Variants in FAT3 observed in about 807,000 individuals in gnomAD.
FAT3 encodes protocadherin Fat 3.
In FAT3, 95 loss-of-function variants were observed where a neutral mutation model predicts 310.2. The ratio of observed to expected loss-of-function variants is 0.31; its 90% CI spans 0.26 to 0.36. The LOEUF (loss-of-function observed/expected upper bound fraction) is 0.36. Ranked by LOEUF, FAT3 falls within the 10% of genes least tolerant of loss-of-function variation. FAT3 has a pLI of 1.00. For synonymous variants in FAT3, 2,314 were observed against 2,192.9 expected (o/e 1.06, Z -1.54); for missense variants, 5,408 against 5,715.6 (o/e 0.95, Z 1.74).
chr11:92,686,178 T>C (rs1470852471), intron 3 of FAT3, among the ~76,000 whole-genome samples: 1 of 152,192 alleles, frequency 6.6e-6, no homozygotes, highest in Non-Finnish European at 1.5e-5. Flanking sequence ...GAAATGCCAC[T>C]GATTCAGACT....
intron 1 of FAT3, among the ~76,000 whole-genome samples, chr11:92,231,309 T>C (rs1864171815): frequency 6.6e-6 from 1 of 152,166 alleles, no homozygotes. Flanking sequence ...TGCTTGGTTT[T>C]TTACCTTAAA....
chr11:92,735,856 A>G (rs989200930), intron 4 of FAT3, among the ~76,000 whole-genome samples: 3 of 151,930 alleles, frequency 2.0e-5, no homozygotes, highest in African/African-American at 7.3e-5. Context: ...TGGGTTCTCT[A>G]TATATGTTTG....
Position 92,883,467 on chromosome 11 carries a change from C to G in FAT3, c.12937+74C>G, listed in dbSNP as rs1949724862. 2.0e-6 allele frequency: 3 copies of G among 1,514,002 alleles called. No individual in the cohort carries two copies. The highest frequency in any genetic ancestry group is 2.7e-6 in the Non-Finnish European group (3 of 1,126,824). The allele number at this position is 1,514,002 out of a possible 1,614,324, so 93.8% of individuals were successfully genotyped here. On this transcript the variant is annotated intron_variant, in intron 24 of 27. Transcript: ENST00000525166. This position sits in a 1 kb window ranked among gnomAD's most constrained non-coding sequence, Gnocchi z 4.2. ...GCAGGGGCGCTGTGCGAGGACGCTA[C>G]GGGAAGGGAGAGAGACCCCGCATGC...
Position 92,799,686 on chromosome 11 carries a change from G to A in FAT3, c.6673G>A (p.Gly2225Arg). 6.2e-7 allele frequency: 1 copy of A among 1,613,380 alleles called. No homozygotes were observed. The highest frequency in any genetic ancestry group is 8.5e-7 in the Non-Finnish European group (1 of 1,179,658). Residue 2225 changes from glycine (G) to arginine (R), a missense_variant, in exon 10 of 28, where the codon GGG becomes AGG. By Grantham distance (125) the Gly-to-Arg change is moderately radical (BLOSUM62 -2). Transcript: ENST00000525166. ...AGGCATCATATATATCATTATCGAT[G>A]GGGACCCTTTTAAACAGTTTAACAT... ...GQGIIYIIID[G>R]DPFKQFNIDF...
rs1178802045 is a variant in FAT3, at chr11:92,837,771, G to A, written c.10333G>A (p.Val3445Met). The A allele has an allele frequency of 6.2e-7, 1 of 1,613,932 alleles. No homozygotes were observed. Among genetic ancestry groups the A allele is most frequent in the Non-Finnish European group, 8.5e-7 (1 of 1,179,868 alleles). ...DISDVNDNSP[V>M]FTPANYTAVI... Reference sequence around the variant, plus strand: ...TTCTGATGTGAATGACAACAGCCCGGTGTTTACACCTGCCAACTATACTGC... The same window carrying A: ...TTCTGATGTGAATGACAACAGCCCGATGTTTACACCTGCCAACTATACTGC... The change falls in exon 17 of 28, where the codon GTG becomes ATG. Residue 3445 changes from valine to methionine, a missense_variant. Around this residue, in one of 5 missense-constraint regions of FAT3, gnomAD observed 4,588 missense variants for 4,809.8 expected, o/e 0.95. Coordinates refer to ENST00000525166, the MANE Select transcript of FAT3 (RefSeq NM_001367949.2).
chr11:92,502,957 G>A (rs1463938267), intron 2 of FAT3, among the ~76,000 whole-genome samples: 1 of 152,058 alleles, frequency 6.6e-6, no homozygotes, highest in Non-Finnish European at 1.5e-5. Context: ...TTAATATAAT[G>A]CCTGTACGTA....
In FAT3 at chr11:92,883,108, G is replaced by T; in HGVS notation, c.12652G>T (p.Gly4218Cys). The T allele has an allele frequency of 2.5e-6, 4 of 1,613,760 alleles. No homozygotes were observed. Among genetic ancestry groups the T allele is most frequent in the Non-Finnish European group, 2.5e-6 (3 of 1,179,892 alleles). ...CCGGAACCTGCGCGGCAGTGGGGAC[G>T]GCCGCAACGTCTACCAGGAGGTGGG... ...PFRNLRGSGDGRNVYQEVGPP... is the reference protein window; with the variant it reads ...PFRNLRGSGDCRNVYQEVGPP... Residue 4218 changes from glycine (G) to cysteine (C), a missense_variant, in exon 24 of 28, where the codon GGC becomes TGC. Coordinates refer to ENST00000525166, the MANE Select transcript of FAT3 (RefSeq NM_001367949.2). This position sits in a 1 kb window ranked among gnomAD's most constrained non-coding sequence, Gnocchi z 4.2.
chr11:92,444,389 G>T (rs189825262), intron 2 of FAT3, among the ~76,000 whole-genome samples: 56 of 152,196 alleles, frequency 3.7e-4, no homozygotes, highest in Admixed American at 7.2e-4. Context: ...CTATTATATT[G>T]TCATGTAATT....
rs531641036 is a variant in FAT3 at position 92,486,075 on chromosome 11, AT to A, written c.3293-38556del. On this transcript the variant is annotated intron_variant, in intron 2 of 27. Transcript: ENST00000525166. ...AGGAGATATGGGAAAAATATGAATA[AT>A]TTCCATGAATTCCTCTAAGGACTCA... Among the ~76,000 whole-genome samples, 21 of 140,348 alleles carry A rather than the reference AT, an allele frequency of 1.5e-4. No homozygotes were observed. The East Asian group carries it at 4.7e-3, about 31-fold the overall frequency. The allele number at this position is 140,348 out of a possible 152,430, so 92.1% of individuals were successfully genotyped here.
At chr11:92,466,569 T>A (rs867845022) in intron 2 of FAT3, among the ~76,000 whole-genome samples, 78 of 151,878 alleles carry the variant, frequency 5.1e-4, no homozygotes, top group Middle Eastern at 3.4e-3. Context: ...TTTTTTTAAA[T>A]TTTTTAATTA....
rs533654201 is a variant in FAT3, at chr11:92,768,910, T to C, written c.4195+3821T>C. ...ACTGAGTTACAGAGAAGACATCATCTTGGCATGACACTTACAGCTTACTAA... is the reference window on the plus strand; with the variant it reads ...ACTGAGTTACAGAGAAGACATCATCCTGGCATGACACTTACAGCTTACTAA... On this transcript the variant is annotated intron_variant, in intron 6 of 27. Transcript: ENST00000525166. 2.5e-4 allele frequency among the ~76,000 whole-genome samples: 38 copies of C among 152,324 alleles called. 1 individual carries two copies. In the South Asian group the frequency reaches 7.9e-3, roughly 32 times the overall value.
intron 3 of FAT3, among the ~76,000 whole-genome samples, chr11:92,566,864 C>T (rs1490215629): frequency 1.4e-4 from 22 of 152,088 alleles, no homozygotes; most frequent in Admixed American, 3.9e-4. Context: ...ATCCCTTCCA[C>T]ACACCTTATA....
At chr11:92,761,618 A>G (rs1946153218) in intron 4 of FAT3, among the ~76,000 whole-genome samples, 1 of 152,156 alleles carries the variant, frequency 6.6e-6, no homozygotes, top group Middle Eastern at 3.2e-3. Context: ...TCAGGACTCA[A>G]TCCTTATGAT....
At chr11:92,541,237 A>C (rs185783196) in intron 3 of FAT3, among the ~76,000 whole-genome samples, 1 of 152,320 alleles carries the variant, frequency 6.6e-6, no homozygotes, top group Non-Finnish European at 1.5e-5. Flanking sequence ...TGTGTACTTT[A>C]TACTCAACAG....
chr11:92,657,059 C>G lies in FAT3; in HGVS notation c.3608-40325C>G, dbSNP rs76545647. On this transcript the variant is annotated intron_variant, in intron 3 of 27. Transcript: ENST00000525166. ...GGAGTAAGCTAGAGAAGACCCTGTT[C>G]TACAGGAAGAGTGTTGGTTGAAGCA... 1.9e-3 allele frequency among the ~76,000 whole-genome samples: 295 copies of G among 152,204 alleles called. 6 individuals carry two copies. The East Asian group carries it at 0.039, about 20-fold the overall frequency.
rs372855626 is a variant in FAT3, at chr11:92,352,435, G to A, written c.323G>A (p.Arg108Lys). 6 of 1,612,336 alleles carry A rather than the reference G, an allele frequency of 3.7e-6. No homozygotes were observed. Among genetic ancestry groups the A allele is most frequent in the Non-Finnish European group, 5.1e-6 (6 of 1,179,408 alleles). ...GCAGATTTCTGTTTTCTCAGAATAA[G>A]AACTAAAGGTGGCAATTCTGCCATA... The part of the protein sequence containing the change: ...IIADFCFLRI[R>K]TKGGNSAILN... Residue 108 changes from arginine (R) to lysine (K), a missense_variant, in exon 2 of 28, where the codon AGA (arginine) becomes AAA (lysine). This residue lies in a region of FAT3 where 152 missense variants were observed against 188.3 expected (regional missense o/e 0.81). Coordinates refer to ENST00000525166, the MANE Select transcript of FAT3 (RefSeq NM_001367949.2).
intron 2 of FAT3, among the ~76,000 whole-genome samples, chr11:92,440,346 G>T (rs1651078034): frequency 6.6e-6 from 1 of 152,186 alleles, no homozygotes; most frequent in Non-Finnish European, 1.5e-5. Flanking sequence ...CAGTGCTGCT[G>T]GGAGCTCTGT....
intron 3 of FAT3, among the ~76,000 whole-genome samples, chr11:92,552,714 G>A (rs920457091): frequency 6.6e-6 from 1 of 151,874 alleles, no homozygotes; most frequent in Non-Finnish European, 1.5e-5. Flanking sequence ...AATGCCTACT[G>A]TTTATGTTTA....
At chr11:92,343,090 G>A (rs1404959816) in intron 1 of FAT3, among the ~76,000 whole-genome samples, 1 of 152,152 alleles carries the variant, frequency 6.6e-6, no homozygotes, top group Non-Finnish European at 1.5e-5. Context: ...ATAAAGGAGG[G>A]TATTCGTAAC....
Sources: gnomAD v4.1 joint callset for allele counts (sites outside exome capture counted in the v4.1 genomes callset) on GRCh38, gnomAD v4.1.1 for gene constraint, gnomAD v4.1.1 regional missense constraint, Gnocchi (gnomAD v3.1) non-coding constraint, MANE v1.5 for transcripts, NCBI Gene and HGNC (gene_info 2026-07-23, HGNC 2026-07-21) for gene names.